NFX1: variants seen among roughly 807,000 people sequenced by gnomAD.
The protein encoded by NFX1 is nuclear transcription factor, X-box binding 1, also known as transcriptional repressor NF-X1.
Under a neutral mutation model 137.2 loss-of-function variants are expected in NFX1, and 69 were observed. The observed-to-expected ratio is 0.50, with a 90% CI of 0.41 to 0.61. The LOEUF (loss-of-function observed/expected upper bound fraction) is 0.61. Among genes scored for constraint, NFX1 ranks in the 20% least tolerant of loss-of-function variants. The pLI, the probability that NFX1 is intolerant of heterozygous loss-of-function variation, is 0.00. For synonymous variants in NFX1, 495 were observed against 474.1 expected (o/e 1.04, Z -0.57); for missense variants, 1,167 against 1,391.0 (o/e 0.84, Z 2.56).
chr9:33,333,877 G>T (rs372268103), intron 11 of NFX1, among the ~76,000 whole-genome samples: 1 of 152,246 alleles, frequency 6.6e-6, no homozygotes, highest in African/African-American at 2.4e-5. Context: ...AAGCCTGGTG[G>T]CTCATGCCTG....
intron 11 of NFX1, among the ~76,000 whole-genome samples, chr9:33,333,271 T>C (rs1822880503): frequency 6.6e-6 from 1 of 152,200 alleles, no homozygotes; most frequent in African/African-American, 2.4e-5. Context: ...GAAAGCTGTA[T>C]TGGTTAGGAA....
At chr9:33,343,369 CTT>C (rs932139934) in intron 13 of NFX1, among the ~76,000 whole-genome samples, 124 of 151,966 alleles carry the variant, frequency 8.2e-4, no homozygotes, top group African/African-American at 2.8e-3. Flanking sequence ...TTTTAAATAA[CTT>C]TTCAAAAAAG....
intron 5 of NFX1, among the ~76,000 whole-genome samples, chr9:33,310,757 C>T (rs1019214934): frequency 2.0e-5 from 3 of 152,170 alleles, no homozygotes; most frequent in African/African-American, 7.2e-5. Context: ...GCCATTCTGC[C>T]TTTTACCTGA....
intron 19 of NFX1, among the ~76,000 whole-genome samples, chr9:33,355,288 G>A (rs1055022892): frequency 1.6e-4 from 24 of 152,224 alleles, no homozygotes; most frequent in Middle Eastern, 6.8e-3. Flanking sequence ...TTACAGTTGT[G>A]TAATCATTTG....
At chr9:33,305,584 G>A (rs1477804276) in intron 4 of NFX1, among the ~76,000 whole-genome samples, 1 of 152,186 alleles carries the variant, frequency 6.6e-6, no homozygotes, top group Non-Finnish European at 1.5e-5. Flanking sequence ...AGTGAGTAGA[G>A]TATTTTGGAG....
intron 12 of NFX1, among the ~76,000 whole-genome samples, chr9:33,340,097 G>T (rs1274624529): frequency 6.6e-6 from 1 of 152,228 alleles, no homozygotes; most frequent in African/African-American, 2.4e-5. Context: ...TGGTGCCCTA[G>T]TAGGGACTCC....
chr9:33,298,929 T>C (rs576140720), intron 2 of NFX1, among the ~76,000 whole-genome samples: 2 of 152,290 alleles, frequency 1.3e-5, no homozygotes, highest in African/African-American at 4.8e-5. Context: ...AACAATTGGA[T>C]AGATTTTGGA....
intron 14 of NFX1, among the ~76,000 whole-genome samples, chr9:33,345,718 T>C (rs1364201469): frequency 6.6e-6 from 1 of 152,218 alleles, no homozygotes; most frequent in East Asian, 1.9e-4. Context: ...TTTTTTACAA[T>C]ATAAACTTTT....
In NFX1 at chr9:33,318,775, G is replaced by A. The variant is rs755723817; in HGVS notation, c.1633G>A (p.Asp545Asn). 6.8e-6 allele frequency: 11 copies of A among 1,614,054 alleles called. No homozygotes were observed. The Admixed American group carries it at 8.3e-5, about 12-fold the overall frequency. Residue 545 changes from aspartate to asparagine, a missense_variant, in exon 8 of 24, where the codon GAT (aspartate) becomes AAT (asparagine). Coordinates refer to ENST00000379540, the MANE Select transcript of NFX1 (RefSeq NM_002504.6). ...CTCCCGAGATGTGTTATGTGGAACC[G>A]ATGTAGGAAAGTCTGATGGATTTGG... is the stretch of plus-strand genomic sequence containing the variant. ...STSRDVLCGTDVGKSDGFGDF... is the reference protein window; with the variant it reads ...STSRDVLCGTNVGKSDGFGDF...
intron 15 of NFX1, among the ~76,000 whole-genome samples, chr9:33,349,078 GT>G (rs1331414286): frequency 3.3e-5 from 5 of 152,130 alleles, no homozygotes; most frequent in African/African-American, 9.7e-5. Flanking sequence ...ACCTTTTCCA[GT>G]TTATCCATTC....
chr9:33,350,355 A>G (rs1179079360), intron 15 of NFX1, among the ~76,000 whole-genome samples: 1 of 151,422 alleles, frequency 6.6e-6, no homozygotes, highest in African/African-American at 2.4e-5. Flanking sequence ...CCCTGCCATC[A>G]GTCTCAGAAC....
rs774797953 is a variant in NFX1 at position 33,313,728 on chromosome 9, A to G, written c.1523A>G (p.Gln508Arg). 6.2e-7 allele frequency: 1 copy of G among 1,614,196 alleles called. No individual in the cohort carries two copies. Among genetic ancestry groups the G allele is most frequent in the Non-Finnish European group, 8.5e-7 (1 of 1,180,026 alleles). The change falls in exon 7 of 24, where the codon CAG (glutamine) becomes CGG (arginine). Residue 508 changes from glutamine to arginine, a missense_variant. By Grantham distance (43) the Gln-to-Arg change is conservative (BLOSUM62 1). Around this residue, in one of 3 missense-constraint regions of NFX1, gnomAD observed 488 missense variants for 691.5 expected, o/e 0.71. Transcript: ENST00000379540. The stretch of plus-strand genomic sequence containing the variant: ...TGTGAGAATATTTTGAACTGTGGTC[A>G]GCACCAGTGTGCTGAGCTGTGCCAT... ...NPCENILNCGQHQCAELCHGG... is the reference protein window; with the variant it reads ...NPCENILNCGRHQCAELCHGG...
rs778698408 is a variant in NFX1, at chr9:33,364,834, A to AT, written c.3039+60_3039+61insT. On this transcript the variant is annotated intron_variant, in intron 21 of 23. Coordinates refer to ENST00000379540, the MANE Select transcript of NFX1 (RefSeq NM_002504.6). ...AAGGCCAGCTTGATGAAAAAAAAAA[A>AT]GCAATCAAGTCCTGGAAACACTTTC... 6.9e-6 allele frequency: 11 copies of AT among 1,589,122 alleles called. No homozygotes were observed. In the African/African-American group the frequency reaches 1.5e-4, roughly 22 times the overall value.
At chr9:33,330,262 T>C (rs1822755103) in intron 10 of NFX1, among the ~76,000 whole-genome samples, 1 of 152,222 alleles carries the variant, frequency 6.6e-6, no homozygotes, top group African/African-American at 2.4e-5. Flanking sequence ...GACAGAATTG[T>C]GAACCGTTGG....
chr9:33,368,700 A>G (rs1338903161), intron 23 of NFX1, among the ~76,000 whole-genome samples: 1 of 152,228 alleles, frequency 6.6e-6, no homozygotes, highest in Admixed American at 6.5e-5. Context: ...CTTTCCACAG[A>G]CAAGTCCTAG....
At chr9:33,363,490 G>A (rs1164648051) in intron 19 of NFX1, among the ~76,000 whole-genome samples, 1 of 151,788 alleles carries the variant, frequency 6.6e-6, no homozygotes, top group East Asian at 1.9e-4. Flanking sequence ...CACCATATTG[G>A]CCAGGCTGGT....
At chr9:33,331,694 C>CTT (rs35980358) in intron 10 of NFX1, among the ~76,000 whole-genome samples, 8,172 of 132,694 alleles carry the variant, frequency 0.062, 241 homozygotes, top group East Asian at 0.08. Context: ...TCAGTAGCTG[C>CTT]TTTTTTTTTT....
intron 14 of NFX1, among the ~76,000 whole-genome samples, chr9:33,344,869 A>G (rs562980334): frequency 6.6e-6 from 1 of 151,686 alleles, no homozygotes; most frequent in East Asian, 1.9e-4. Flanking sequence ...TGTCTCAAAA[A>G]AGAAAATAGA....
intron 9 of NFX1, among the ~76,000 whole-genome samples, chr9:33,327,828 C>A (rs1822652480): frequency 6.6e-6 from 1 of 152,118 alleles, no homozygotes; most frequent in Non-Finnish European, 1.5e-5. Flanking sequence ...ATGCAGGCAC[C>A]ACCAGACATT....
Sources: allele counts gnomAD v4.1 joint callset (sites outside exome capture counted in the v4.1 genomes callset), GRCh38; gene constraint gnomAD v4.1.1; regional missense constraint gnomAD v4.1.1; transcripts MANE v1.5; gene names NCBI Gene and HGNC (gene_info 2026-07-23, HGNC 2026-07-21).